Variants in RAB38 observed in about 807,000 individuals in gnomAD.
RAB38 encodes the protein RAB38, member RAS oncogene family, also known as ras-related protein Rab-38.
In RAB38, 15 loss-of-function variants were observed where a neutral mutation model predicts 18.4. The ratio of observed to expected loss-of-function variants is 0.82; its 90% confidence interval spans 0.55 to 1.26. RAB38 has a LOEUF of 1.26. Among genes scored for constraint, RAB38 ranks in the 50% most tolerant of loss-of-function variants. RAB38 has a pLI of 0.00. For synonymous variants in RAB38, 101 were observed against 104.4 expected, an observed-to-expected ratio of 0.97 and a Z score of 0.20; for missense variants, 294 against 267.4, an observed-to-expected ratio of 1.10 and a Z score of -0.69.
At chr11:87,864,051 T>C in the RAB38 span, among the ~76,000 whole-genome samples, 3 of 151,692 alleles carry the variant, frequency 2.0e-5, no homozygotes, top group African/African-American at 7.2e-5. Context: ...CCCTTTATCT[T>C]TCCCACATGC....
At chr11:87,961,374 T>C in the RAB38 span, among the ~76,000 whole-genome samples, 77 of 152,304 alleles carry the variant, frequency 5.1e-4, no homozygotes, top group African/African-American at 9.1e-4. Flanking sequence ...AATGAAGTGA[T>C]TGACATCAGT....
intron 2 of RAB38, among the ~76,000 whole-genome samples, chr11:88,141,460 C>A (rs900502013): frequency 6.6e-6 from 1 of 152,180 alleles, no homozygotes; most frequent in African/African-American, 2.4e-5. Context: ...TTGAAAAACC[C>A]TACGCCTTAT....
intron 2 of RAB38, among the ~76,000 whole-genome samples, chr11:88,147,585 A>T: frequency 6.6e-6 from 1 of 151,728 alleles, no homozygotes; most frequent in East Asian, 1.9e-4. Flanking sequence ...AAAAAAAAAA[A>T]ACAGCTAACA....
At chr11:88,036,706 GAACAT>G in the RAB38 span, among the ~76,000 whole-genome samples, 1 of 151,886 alleles carries the variant, frequency 6.6e-6, no homozygotes, top group Non-Finnish European at 1.5e-5. Flanking sequence ...GAACTTTGTG[GAACAT>G]ATCAATGGAA....
At chr11:88,115,882 A>C (rs1942544288) in intron 2 of RAB38, 1 of 152,146 alleles carries the variant, frequency 6.6e-6, no homozygotes, top group Admixed American at 6.5e-5. Context: ...GATAAAGATT[A>C]TGTTTTTTGT....
intron 2 of RAB38, among the ~76,000 whole-genome samples, chr11:88,143,717 GATCTGAGCTCTAAGTAGTGAAA>G (rs1690621085): frequency 6.6e-6 from 1 of 152,196 alleles, no homozygotes; most frequent in Non-Finnish European, 1.5e-5. Context: ...AAACAGGAAA[GATCTGAGCTCTAAGTAGTGAAA>G]ATATGAACCA....
At chr11:88,156,959 A>C (rs1229438184) in intron 1 of RAB38, among the ~76,000 whole-genome samples, 1 of 152,204 alleles carries the variant, frequency 6.6e-6, no homozygotes, top group Admixed American at 6.5e-5. Context: ...AAACTAGCTA[A>C]TAACTTCGTG....
the RAB38 span, among the ~76,000 whole-genome samples, chr11:87,978,012 TATAA>T: frequency 1.1e-5 from 1 of 94,530 alleles, no homozygotes; most frequent in Non-Finnish European, 2.0e-5. Context: ...TTTAATATTA[TATAA>T]ATATATACTT....
At chr11:88,034,787 T>C in the RAB38 span, among the ~76,000 whole-genome samples, 2 of 152,250 alleles carry the variant, frequency 1.3e-5, no homozygotes, top group African/African-American at 4.8e-5. Flanking sequence ...TGAGGCAATA[T>C]TGCCTTATTC....
At chr11:88,078,501 A>ATATATGTGTGTGTGTGTG in the RAB38 span, among the ~76,000 whole-genome samples, 2 of 148,682 alleles carry the variant, frequency 1.3e-5, no homozygotes, top group African/African-American at 2.5e-5. Context: ...GTGTGTATAT[A>ATATATGTGTGTGTGTGTG]TGTGTGTGTG....
the RAB38 span, among the ~76,000 whole-genome samples, chr11:87,849,127 A>G: frequency 6.6e-6 from 1 of 152,114 alleles, no homozygotes; most frequent in Non-Finnish European, 1.5e-5. Flanking sequence ...TCGCCACCAT[A>G]GAGCGTTGTT....
the RAB38 span, among the ~76,000 whole-genome samples, chr11:87,900,786 G>T: frequency 6.7e-6 from 1 of 148,958 alleles, no homozygotes; most frequent in Non-Finnish European, 1.5e-5. Flanking sequence ...GAGAGAAAAA[G>T]AATACAAAAA....
the RAB38 span, among the ~76,000 whole-genome samples, chr11:88,015,838 G>C: frequency 1.3e-5 from 2 of 152,190 alleles, no homozygotes; most frequent in Admixed American, 6.5e-5. Context: ...CAGTCTGAAG[G>C]CTTTTCCTTT....
intron 2 of RAB38, among the ~76,000 whole-genome samples, chr11:88,121,711 C>T (rs1273881969): frequency 2.6e-5 from 4 of 152,134 alleles, no homozygotes; most frequent in Non-Finnish European, 5.9e-5. Context: ...TACAGGCGCC[C>T]GCCGCCACGC....
chr11:87,937,351 T>TATATATATATAA, the RAB38 span, among the ~76,000 whole-genome samples: 3 of 112,106 alleles, frequency 2.7e-5, no homozygotes, highest in African/African-American at 5.7e-5. Flanking sequence ...TATATATATA[T>TATATATATATAA]CATAATTCTA....
the RAB38 span, among the ~76,000 whole-genome samples, chr11:87,825,038 G>C: frequency 6.6e-6 from 1 of 152,024 alleles, no homozygotes; most frequent in Non-Finnish European, 1.5e-5. Flanking sequence ...GAGAGAGAGA[G>C]AGAATGAATC....
At chr11:88,156,642 C>G (rs922754219) in intron 1 of RAB38, among the ~76,000 whole-genome samples, 3 of 152,108 alleles carry the variant, frequency 2.0e-5, no homozygotes, top group Non-Finnish European at 4.4e-5. Flanking sequence ...GTGGAGGTTG[C>G]AGTGAGCCAA....
chr11:88,083,028 G>A, the RAB38 span, among the ~76,000 whole-genome samples: 1 of 151,742 alleles, frequency 6.6e-6, no homozygotes, highest in African/African-American at 2.4e-5. Context: ...TCACTTCACT[G>A]TTCCTTAAGC....
chr11:88,070,708 C>T, the RAB38 span, among the ~76,000 whole-genome samples: 1 of 152,214 alleles, frequency 6.6e-6, no homozygotes, highest in South Asian at 2.1e-4. Context: ...TCCACTTACA[C>T]AAAGGATGAA....
Sources: gnomAD v4.1 joint callset for allele counts (sites outside exome capture counted in the v4.1 genomes callset) on GRCh38, gnomAD v4.1.1 for gene constraint, MANE v1.5 for transcripts, NCBI Gene and HGNC (gene_info 2026-07-23, HGNC 2026-07-21) for gene names.